Variants in NUP93 observed in about 807,000 individuals in gnomAD.
The protein encoded by NUP93 is nucleoporin 93.
Under a neutral mutation model 107.8 loss-of-function variants are expected in NUP93, and 55 were observed. That is an observed-to-expected ratio of 0.51 (90% CI 0.41 to 0.64). The LOEUF (loss-of-function observed/expected upper bound fraction) is 0.64, where lower values mean the gene tolerates loss of function less well. Ranked by LOEUF, NUP93 falls within the 30% of genes least tolerant of loss-of-function variation. The probability of loss-of-function intolerance (pLI) is 0.00; values close to 1 mark genes in which losing one functional copy is unlikely to be tolerated. For missense variants in NUP93, 937 were observed against 1,044.7 expected, an observed-to-expected ratio of 0.90 and a Z score of 1.42; for synonymous variants, 390 against 397.5, an observed-to-expected ratio of 0.98 and a Z score of 0.22.
At chr16:56,793,458 C>T (rs181360110) in intron 3 of NUP93, among the ~76,000 whole-genome samples, 238 of 152,256 alleles carry the variant, frequency 1.6e-3, no homozygotes, top group African/African-American at 4.3e-3. Context: ...TCTGTACCCA[C>T]GGGGCATCTC....
At chr16:56,748,053 A>T (rs73555556) in intron 1 of NUP93, 181 bp from the exon 2 acceptor site, 2 of 455,362 alleles carry the variant, frequency 4.4e-6, no homozygotes, top group Non-Finnish European at 4.0e-6. Flanking sequence ...AGCCTGACTC[A>T]TTTTCTCTGT....
chr16:56,740,772 C>G (rs1466774549), intron 1 of NUP93: 1 of 157,486 alleles, frequency 6.3e-6, no homozygotes, highest in Non-Finnish European at 1.4e-5. Flanking sequence ...GTCTGCAGTC[C>G]CGGCACCTCG....
chr16:56,788,630 A>AATAACAGAT (rs778140200), intron 3 of NUP93, among the ~76,000 whole-genome samples: 1 of 152,210 alleles, frequency 6.6e-6, no homozygotes, highest in Non-Finnish European at 1.5e-5. Context: ...AAATAACAGA[A>AATAACAGAT]ATGCCCCAGG....
At chr16:56,733,289 A>G (rs573656936) in intron 1 of NUP93, among the ~76,000 whole-genome samples, 8 of 152,248 alleles carry the variant, frequency 5.3e-5, no homozygotes, top group African/African-American at 1.9e-4. Context: ...TCCCTGATGG[A>G]CTTAAGGCAG....
At chr16:56,830,862 GA>G (rs1267477180) in intron 10 of NUP93, among the ~76,000 whole-genome samples, 177 bp downstream of exon 10, 1 of 152,190 alleles carries the variant, frequency 6.6e-6, no homozygotes, top group African/African-American at 2.4e-5. Context: ...AACATTAAAA[GA>G]ATGCCCCATT....
intron 3 of NUP93, among the ~76,000 whole-genome samples, chr16:56,784,416 TCTCA>T (rs1187418137): frequency 2.0e-5 from 3 of 152,214 alleles, no homozygotes; most frequent in Non-Finnish European, 2.9e-5. Flanking sequence ...AGGCTTTCAC[TCTCA>T]CTCATGGGGA....
chr16:56,840,364 G>T (rs190595892), intron 20 of NUP93, among the ~76,000 whole-genome samples: 1 of 152,322 alleles, frequency 6.6e-6, no homozygotes, highest in East Asian at 1.9e-4. Flanking sequence ...CGCGGAGTAA[G>T]CTATCACCCC....
At chr16:56,817,737 C>T (rs1214974857) in intron 5 of NUP93, among the ~76,000 whole-genome samples, 1 of 152,012 alleles carries the variant, frequency 6.6e-6, no homozygotes, top group Admixed American at 6.6e-5. Context: ...TTTTATGTGC[C>T]TTTTCTATAT....
chr16:56,791,264 A>G (rs1270850910), intron 3 of NUP93, among the ~76,000 whole-genome samples: 1 of 152,208 alleles, frequency 6.6e-6, no homozygotes, highest in Non-Finnish European at 1.5e-5. Context: ...TTGTAAGCCC[A>G]AATTAGGCTC....
intron 3 of NUP93, among the ~76,000 whole-genome samples, chr16:56,798,020 T>C (rs936292498): frequency 6.6e-6 from 1 of 152,194 alleles, no homozygotes; most frequent in Non-Finnish European, 1.5e-5. Context: ...TTCCCAGATA[T>C]TGGCCAACAA....
chr16:56,800,663 G>A (rs141528077), intron 4 of NUP93, among the ~76,000 whole-genome samples: 2 of 152,328 alleles, frequency 1.3e-5, no homozygotes, highest in East Asian at 3.9e-4. Context: ...TGGTATTTTT[G>A]TGACTATTTC....
chr16:56,773,681 C>T (rs1228136739), intron 3 of NUP93, among the ~76,000 whole-genome samples: 1 of 152,180 alleles, frequency 6.6e-6, no homozygotes, highest in Non-Finnish European at 1.5e-5. Context: ...GGGTGCGACC[C>T]AGAGTCTGTG....
chr16:56,826,467 G>T (rs144705896), intron 8 of NUP93, among the ~76,000 whole-genome samples: 1 of 147,196 alleles, frequency 6.8e-6, no homozygotes, highest in East Asian at 2.1e-4. Flanking sequence ...AGTGAGCCGA[G>T]ATCGTGCCAC....
intron 2 of NUP93, among the ~76,000 whole-genome samples, chr16:56,750,652 C>T (rs892791356): frequency 2.6e-5 from 4 of 152,146 alleles, no homozygotes; most frequent in Non-Finnish European, 4.4e-5. Flanking sequence ...GAGCCACATA[C>T]AGCCTTAAAG....
At chr16:56,804,312 T>TC (rs1555494617) in intron 4 of NUP93, among the ~76,000 whole-genome samples, 1 of 152,188 alleles carries the variant, frequency 6.6e-6, no homozygotes, top group East Asian at 1.9e-4. Context: ...AACCCAGGTG[T>TC]CCATCAGTGA....
intron 1 of NUP93, among the ~76,000 whole-genome samples, chr16:56,744,416 C>T (rs1204974971): frequency 1.3e-5 from 2 of 151,998 alleles, no homozygotes; most frequent in Admixed American, 6.6e-5. Flanking sequence ...AGCATTTTAG[C>T]GCAGTGGGAT....
At chr16:56,765,069 C>G (rs1264376545) in intron 3 of NUP93, among the ~76,000 whole-genome samples, 1 of 152,204 alleles carries the variant, frequency 6.6e-6, no homozygotes, top group Non-Finnish European at 1.5e-5. Context: ...CAGAACATCC[C>G]TATCTTCCAT....
chr16:56,823,650 A>G, intron 7 of NUP93, 57 bp from the exon 8 acceptor site: 1 of 1,596,894 alleles, frequency 6.3e-7, no homozygotes, highest in Non-Finnish European at 8.6e-7. Flanking sequence ...GCCACAAAGA[A>G]CTAGATAATT....
rs76231605 is a variant in NUP93 at position 56,788,995 on chromosome 16, A to G, written c.298-9481A>G. ...TTTTACCCGATGCTGAAATCTTTGA[A>G]GTTGGGTTTTTGTTGCATGATAATT... On this transcript the variant is annotated intron_variant, in intron 3 of 21. Transcript: ENST00000308159. 3.9e-3 allele frequency among the ~76,000 whole-genome samples: 593 copies of G among 152,152 alleles called. 5 individuals carry two copies. Among genetic ancestry groups the G allele is most frequent in the African/African-American group, 0.013 (547 of 41,506 alleles).
Sources: gnomAD v4.1 joint callset for allele counts (sites outside exome capture counted in the v4.1 genomes callset) on GRCh38, gnomAD v4.1.1 for gene constraint, MANE v1.5 for transcripts, NCBI Gene and HGNC (gene_info 2026-07-23, HGNC 2026-07-21) for gene names.